Variants in MAP2 observed in about 807,000 individuals in gnomAD.
MAP2 encodes the protein microtubule associated protein 2.
In MAP2, 14 loss-of-function variants were observed where a neutral mutation model predicts 137.6. That is an observed-to-expected ratio of 0.10 (90% CI 0.07 to 0.16). The LOEUF is 0.16. Ranked by LOEUF, MAP2 falls within the 10% of genes least tolerant of loss-of-function variation. The pLI is 1.00. For synonymous variants in MAP2, 786 were observed against 782.3 expected (o/e 1.00, Z -0.08); for missense variants, 2,088 against 2,191.5 (o/e 0.95, Z 0.94).
chr2:209,649,505 A>T (rs908819499), intron 4 of MAP2, among the ~76,000 whole-genome samples: 1 of 152,192 alleles, frequency 6.6e-6, no homozygotes, highest in African/African-American at 2.4e-5. Context: ...TTTATCATTT[A>T]TGGGTGGTAT....
At chr2:209,729,997 T>TA (rs201238994) in intron 15 of MAP2, 35 bp downstream of exon 15, 46,840 of 1,440,580 alleles carry the variant, frequency 0.033, 788 homozygotes, top group Middle Eastern at 0.051. Flanking sequence ...TCTTGTCTTT[T>TA]TAAAAAAAAT....
intron 1 of MAP2, among the ~76,000 whole-genome samples, chr2:209,474,788 G>A (rs532946940): frequency 5.6e-4 from 85 of 152,074 alleles, no homozygotes; most frequent in South Asian, 5.4e-3. Context: ...AAAATACATG[G>A]AGATTGTTAC....
rs766977697 is a variant in MAP2 at position 209,653,218 on chromosome 2, A to C, written c.48A>C (p.Ser16=). The C allele has an allele frequency of 8.7e-6, 14 of 1,613,570 alleles. No individual in the cohort carries two copies. Among genetic ancestry groups the C allele is most frequent in the Non-Finnish European group, 1.2e-5 (14 of 1,179,634 alleles). Residue 16 remains serine (S), a synonymous_variant, in exon 5 of 16, where the codon TCA becomes TCC. Transcript: ENST00000682079. The part of the protein sequence containing the change: ...KDEAKAPHWT[S]APLTEASAHS... ...AAGCAAAGGCACCTCACTGGACCTC[A>C]GCACCGCTAACAGAGGCATCTGCAC...
At chr2:209,504,625 A>G (rs1024160434) in intron 1 of MAP2, among the ~76,000 whole-genome samples, 4 of 152,210 alleles carry the variant, frequency 2.6e-5, no homozygotes, top group African/African-American at 7.2e-5. Context: ...GCAAGATCCT[A>G]GGATAACAGC....
At chr2:209,523,532 C>A (rs1029582891) in intron 2 of MAP2, among the ~76,000 whole-genome samples, 17 of 152,094 alleles carry the variant, frequency 1.1e-4, no homozygotes, top group Non-Finnish European at 2.4e-4. Context: ...GGAGGCTGGA[C>A]CCAAATGCTA....
At chr2:209,515,104 T>A (rs374226652) in intron 2 of MAP2, among the ~76,000 whole-genome samples, 1 of 152,314 alleles carries the variant, frequency 6.6e-6, no homozygotes, top group East Asian at 1.9e-4. Context: ...GTCTTACGGT[T>A]ATCAACTTTG....
chr2:209,435,996 AC>A (rs869285176), intron 1 of MAP2, among the ~76,000 whole-genome samples: 10,170 of 70,182 alleles, frequency 0.14, 2,302 homozygotes, highest in African/African-American at 0.28. Flanking sequence ...TATATTATAT[AC>A]TATATATACA....
intron 1 of MAP2, among the ~76,000 whole-genome samples, chr2:209,446,323 C>A (rs911423358): frequency 6.6e-6 from 1 of 151,604 alleles, no homozygotes; most frequent in African/African-American, 2.4e-5. Flanking sequence ...GGAATTTTTC[C>A]TTCTTTGACC....
In MAP2 at chr2:209,694,591, T is replaced by A; in HGVS notation, c.2421T>A (p.Pro807=). The A allele has an allele frequency of 1.2e-6, 2 of 1,613,994 alleles. No individual in the cohort carries two copies. The highest frequency in any genetic ancestry group is 8.5e-7 in the Non-Finnish European group (1 of 1,179,878). ...KNGTVMAPDL[P]EMLDLAGTRS... Reference sequence around the variant, plus strand: ...GTACTGTCATGGCACCTGACCTTCCTGAAATGCTAGATCTGGCAGGCACAA... The same window carrying A: ...GTACTGTCATGGCACCTGACCTTCCAGAAATGCTAGATCTGGCAGGCACAA... The change falls in exon 8 of 16, where the codon CCT becomes CCA. Residue 807 remains proline, a synonymous_variant. Transcript: ENST00000682079.
chr2:209,587,886 A>G (rs2078172420), intron 3 of MAP2, among the ~76,000 whole-genome samples: 2 of 152,208 alleles, frequency 1.3e-5, no homozygotes, highest in African/African-American at 4.8e-5. Flanking sequence ...GGCATGAGCA[A>G]TGTCCTTAGA....
intron 2 of MAP2, among the ~76,000 whole-genome samples, chr2:209,565,850 A>G (rs1469121853): frequency 6.6e-6 from 1 of 152,160 alleles, no homozygotes; most frequent in African/African-American, 2.4e-5. Flanking sequence ...TTCTCTTGTT[A>G]TTTGCTCATC....
chr2:209,709,233 G>A, intron 12 of MAP2, among the ~76,000 whole-genome samples: 1 of 152,100 alleles, frequency 6.6e-6, no homozygotes, highest in East Asian at 1.9e-4. Context: ...GGAATATATT[G>A]TTGAGACATC....
rs1490633992 is a variant in MAP2 at position 209,640,989 on chromosome 2, C to A, written c.-29-12153C>A. Among the ~76,000 whole-genome samples, 3 of 151,154 alleles carry A rather than the reference C, an allele frequency of 2.0e-5. No homozygotes were observed. The East Asian group carries it at 5.8e-4, about 29-fold the overall frequency. ...TCTTCTTCCATGATGTATAATATGG[C>A]CTCCAAGTTTACCTGGATCATGGCC... On this transcript the variant is annotated intron_variant, in intron 4 of 15. Transcript: ENST00000682079.
At chr2:209,454,365 C>T (rs1378761468) in intron 1 of MAP2, among the ~76,000 whole-genome samples, 2 of 151,996 alleles carry the variant, frequency 1.3e-5, no homozygotes, top group African/African-American at 4.8e-5. Flanking sequence ...GATGGAGTCT[C>T]GCTCTGTCAC....
chr2:209,542,795 G>A (rs1207049016), intron 2 of MAP2, among the ~76,000 whole-genome samples: 1 of 152,096 alleles, frequency 6.6e-6, no homozygotes, highest in Non-Finnish European at 1.5e-5. Context: ...AAAGAGCTAG[G>A]GCCTTTCTCT....
intron 1 of MAP2, among the ~76,000 whole-genome samples, chr2:209,471,551 T>C (rs1705714600): frequency 6.6e-6 from 1 of 152,160 alleles, no homozygotes; most frequent in Admixed American, 6.5e-5. Context: ...AAGAAAGCTA[T>C]TATTTCAAAA....
intron 7 of MAP2, among the ~76,000 whole-genome samples, chr2:209,681,427 G>C (rs2054519352): frequency 6.6e-6 from 1 of 152,080 alleles, no homozygotes; most frequent in Non-Finnish European, 1.5e-5. Context: ...ATTGTCCATG[G>C]ATCTTTTTAT....
rs1559597343 is a variant in MAP2, at chr2:209,696,107, GCCCTAGAGCAGC to G, written c.3939_3950del (p.Leu1314_Pro1317del). 1 of 1,613,830 alleles carries G rather than the reference GCCCTAGAGCAGC, an allele frequency of 6.2e-7. No individual in the cohort carries two copies. Among genetic ancestry groups the G allele is most frequent in the Non-Finnish European group, 8.5e-7 (1 of 1,179,882 alleles). On this transcript the variant is annotated inframe_deletion, in exon 8 of 16. Coordinates refer to ENST00000682079, the MANE Select transcript of MAP2 (RefSeq NM_001375505.1). ...AGGGTCCCACAGCGTGCGTTTTGCA[GCCCTAGAGCAGC>G]CTGAGGTGGAAAGGAGACCATCTCC...
At chr2:209,613,782 A>C (rs184663703) in intron 3 of MAP2, among the ~76,000 whole-genome samples, 1 of 152,292 alleles carries the variant, frequency 6.6e-6, no homozygotes, top group Non-Finnish European at 1.5e-5. Flanking sequence ...TGAGGTTGAA[A>C]CCTACCTCTG....
Sources: allele counts gnomAD v4.1 joint callset (sites outside exome capture counted in the v4.1 genomes callset), GRCh38; gene constraint gnomAD v4.1.1; transcripts MANE v1.5; gene names NCBI Gene and HGNC (gene_info 2026-07-23, HGNC 2026-07-21).